The following MGAT5 variants were observed in gnomAD, a reference collection of about 807,000 sequenced individuals.
MGAT5 encodes alpha-1,6-mannosylglycoprotein 6-beta-N-acetylglucosaminyltransferase A.
A neutral mutation model predicts 94.3 loss-of-function variants in MGAT5; 30 were observed. The ratio of observed to expected loss-of-function variants is 0.32; its 90% confidence interval spans 0.24 to 0.43. The LOEUF (loss-of-function observed/expected upper bound fraction) is 0.43, where lower values mean the gene tolerates loss of function less well. Among genes scored for constraint, MGAT5 ranks in the 20% least tolerant of loss-of-function variants. MGAT5 has a pLI of 1.00. For synonymous variants in MGAT5, 310 were observed against 322.9 expected, an observed-to-expected ratio of 0.96 and a Z score of 0.43; for missense variants, 691 against 905.5, an observed-to-expected ratio of 0.76 and a Z score of 3.04.
intron 1 of MGAT5, among the ~76,000 whole-genome samples, chr2:134,120,743 C>T (rs887319319): frequency 1.3e-5 from 2 of 151,412 alleles, no homozygotes; most frequent in Non-Finnish European, 2.9e-5. Flanking sequence ...CCGGGGTCCT[C>T]GGGACCCAGG....
At chr2:134,175,647 G>A (rs1688424075) in intron 1 of MGAT5, among the ~76,000 whole-genome samples, 1 of 152,206 alleles carries the variant, frequency 6.6e-6, no homozygotes, top group Non-Finnish European at 1.5e-5. Context: ...GTAATTCAGT[G>A]GGTCCCACTT....
chr2:134,122,944 A>G lies in MGAT5; in HGVS notation c.-143+2653A>G, dbSNP rs976026045. Among the ~76,000 whole-genome samples the G allele has an allele frequency of 2.0e-4, 30 of 152,336 alleles. 1 individual carries two copies. The highest frequency in any genetic ancestry group is 1.6e-3 in the Admixed American group (25 of 15,312). On this transcript the variant is annotated intron_variant, in intron 1 of 16. Transcript: ENST00000409645. ...CTTTTGGATCTCCTCAGCAGTGTGCATTTCAAGTGCTTTGTGTTTGGAAGT... is the reference window on the plus strand; with the variant it reads ...CTTTTGGATCTCCTCAGCAGTGTGCGTTTCAAGTGCTTTGTGTTTGGAAGT...
chr2:134,412,966 A>G lies in MGAT5; in HGVS notation c.1628A>G (p.Lys543Arg). Reference protein sequence around the residue: ...AFLNPKFNPPKSSKNTDFFIG... With the variant: ...AFLNPKFNPPRSSKNTDFFIG... ...CTGAATCCCAAGTTCAACCCACCCA[A>G]AAGCAGCAAAAACACAGACTTTTTC... The change falls in exon 12 of 16, where the codon AAA becomes AGA. Residue 543 changes from lysine to arginine, a missense_variant. By Grantham distance (26) the Lys-to-Arg change is conservative. Around this residue, in one of 4 missense-constraint regions of MGAT5, gnomAD observed 260 missense variants for 347.0 expected, o/e 0.75. Transcript: ENST00000281923. 6.2e-7 allele frequency: 1 copy of G among 1,614,182 alleles called. No homozygotes were observed. Among genetic ancestry groups the G allele is most frequent in the East Asian group, 2.2e-5 (1 of 44,880 alleles).
intron 13 of MGAT5, among the ~76,000 whole-genome samples, chr2:134,425,495 G>C (rs667430): frequency 0.36 from 54,702 of 151,790 alleles, 11,142 homozygotes; most frequent in South Asian, 0.47. Flanking sequence ...TGAACAGGGG[G>C]ATGAGATGAC....
At chr2:134,128,275 G>C (rs771855375) in intron 1 of MGAT5, among the ~76,000 whole-genome samples, 5 of 152,112 alleles carry the variant, frequency 3.3e-5, no homozygotes, top group Non-Finnish European at 7.4e-5. Context: ...GAAAGAGAGA[G>C]AGAGAAAGAA....
intron 10 of MGAT5, among the ~76,000 whole-genome samples, chr2:134,368,577 A>G (rs1490928648): frequency 6.6e-6 from 1 of 152,176 alleles, no homozygotes; most frequent in Non-Finnish European, 1.5e-5. Context: ...ATGTGATCCC[A>G]CTTCCCCTGC....
chr2:134,419,066 T>C (rs1204242519), intron 12 of MGAT5, among the ~76,000 whole-genome samples: 3 of 152,264 alleles, frequency 2.0e-5, no homozygotes, highest in Admixed American at 2.0e-4. Flanking sequence ...GGAAACATTG[T>C]AACCAGAGTA....
At chr2:134,242,939 G>A (rs1021774191) in intron 1 of MGAT5, among the ~76,000 whole-genome samples, 2 of 151,944 alleles carry the variant, frequency 1.3e-5, no homozygotes, top group South Asian at 2.1e-4. Context: ...CTCAGGCAGG[G>A]CATTGGCCTA....
rs182836067 is a variant in MGAT5, at chr2:134,439,676, G to A, written c.1870-2082G>A. ...CGCACCACTGTACTCCAGCCTGGGC[G>A]ACAGAACAAGACTTCGTCTCAAAAA... On this transcript the variant is annotated intron_variant, in intron 14 of 15. Transcript: ENST00000281923. 1.2e-4 allele frequency among the ~76,000 whole-genome samples: 19 copies of A among 152,144 alleles called. No homozygotes were observed. In the East Asian group the frequency reaches 2.9e-3, roughly 23 times the overall value.
chr2:134,319,374 C>G (rs1430792203), intron 4 of MGAT5, among the ~76,000 whole-genome samples: 2 of 151,944 alleles, frequency 1.3e-5, no homozygotes, highest in African/African-American at 4.8e-5. Context: ...AAAGGAGGAT[C>G]ATTCAGCTTG....
intron 12 of MGAT5, 127 bp from the exon 13 acceptor site, chr2:134,422,676 G>C (rs1326504900): frequency 3.0e-5 from 20 of 675,130 alleles, no homozygotes; most frequent in Non-Finnish European, 7.9e-6. Context: ...TGATCATCAA[G>C]GGGAAGGACA....
At chr2:134,152,235 T>A (rs1316003072) in intron 1 of MGAT5, among the ~76,000 whole-genome samples, 1 of 107,670 alleles carries the variant, frequency 9.3e-6, no homozygotes, top group African/African-American at 3.7e-5. Flanking sequence ...GGGACCCGCT[T>A]ACCACCATGG....
chr2:134,257,394 G>C (rs1036428046), intron 1 of MGAT5, among the ~76,000 whole-genome samples: 1 of 152,088 alleles, frequency 6.6e-6, no homozygotes, highest in African/African-American at 2.4e-5. Context: ...CCTAATTTTT[G>C]TGTTTTTAGT....
chr2:134,271,804 C>G (rs1684044885), intron 2 of MGAT5, among the ~76,000 whole-genome samples: 1 of 152,192 alleles, frequency 6.6e-6, no homozygotes, highest in African/African-American at 2.4e-5. Context: ...TTTCCAACAG[C>G]TTCTGTAATT....
intron 10 of MGAT5, among the ~76,000 whole-genome samples, chr2:134,401,198 A>G (rs1683031366): frequency 6.6e-6 from 1 of 151,116 alleles, no homozygotes; most frequent in South Asian, 2.1e-4. Context: ...CCTCTCCTTT[A>G]GCCTTTACTT....
At chr2:134,263,142 C>T (rs1197059295) in intron 1 of MGAT5, among the ~76,000 whole-genome samples, 2 of 152,122 alleles carry the variant, frequency 1.3e-5, no homozygotes, top group Non-Finnish European at 2.9e-5. Context: ...AGGTGGGGGA[C>T]AATGGATAAC....
chr2:134,169,389 CACACACACACACACACACACACAG>C (rs935634819), intron 1 of MGAT5, among the ~76,000 whole-genome samples: 4 of 111,276 alleles, frequency 3.6e-5, no homozygotes, highest in East Asian at 8.5e-4. Context: ...TTTAAAAATA[CACACACACACACACACACACACAG>C]ACACACACAC....
At chr2:134,234,123 C>T (rs1158725289) in intron 1 of MGAT5, among the ~76,000 whole-genome samples, 5 of 152,010 alleles carry the variant, frequency 3.3e-5, no homozygotes, top group African/African-American at 1.2e-4. Flanking sequence ...TTGAAAGTTG[C>T]TCATGTGTTT....
intron 1 of MGAT5, among the ~76,000 whole-genome samples, chr2:134,259,164 C>T (rs1683164058): frequency 1.3e-5 from 2 of 152,188 alleles, no homozygotes; most frequent in South Asian, 4.1e-4. Context: ...TTAACTCTGT[C>T]AGTCCAGAGA....
Sources: allele counts gnomAD v4.1 joint callset (sites outside exome capture counted in the v4.1 genomes callset), GRCh38; gene constraint gnomAD v4.1.1; regional missense constraint gnomAD v4.1.1; transcripts MANE v1.5; gene names NCBI Gene and HGNC (gene_info 2026-07-23, HGNC 2026-07-21).